Variants in TRDN observed in about 807,000 individuals in gnomAD.
TRDN encodes the protein triadin in skeletal muscle.
A neutral mutation model predicts 149.7 loss-of-function variants in TRDN; 161 were observed. The ratio of observed to expected loss-of-function variants is 1.08; its 90% CI spans 0.95 to 1.23. TRDN has a LOEUF of 1.23. Among genes scored for constraint, TRDN ranks in the 50% most tolerant of loss-of-function variants. The pLI is 0.00. For synonymous variants in TRDN, 294 were observed against 250.5 expected (o/e 1.17, Z -1.64); for missense variants, 896 against 823.5 (o/e 1.09, Z -1.08).
At chr6:123,239,785 T>C (rs7754306) in intron 38 of TRDN, among the ~76,000 whole-genome samples, 125,312 of 151,888 alleles carry the variant, frequency 0.83, 52,297 homozygotes, top group African/African-American at 0.93. Context: ...TACATACATA[T>C]GTAAAAGTAG....
At chr6:123,367,559 A>T (rs970790266) in intron 19 of TRDN, among the ~76,000 whole-genome samples, 3 of 152,198 alleles carry the variant, frequency 2.0e-5, no homozygotes, top group African/African-American at 7.2e-5. Flanking sequence ...AGTGACATAC[A>T]TAACCTCTTC....
At chr6:123,227,721 T>TTTTG (rs200078798) in intron 38 of TRDN, among the ~76,000 whole-genome samples, 45 of 135,902 alleles carry the variant, frequency 3.3e-4, no homozygotes, top group East Asian at 6.0e-4. Flanking sequence ...GCAAGGACTT[T>TTTTG]TTTGTTTGTT....
intron 8 of TRDN, among the ~76,000 whole-genome samples, chr6:123,500,769 C>T (rs149865491): frequency 0.012 from 1,821 of 152,108 alleles, 16 homozygotes; most frequent in Non-Finnish European, 0.017. Context: ...TCAAGAACAA[C>T]AAAAAATTTT....
chr6:123,318,059 G>T (rs1482070464), intron 23 of TRDN, among the ~76,000 whole-genome samples: 1 of 151,902 alleles, frequency 6.6e-6, no homozygotes, highest in African/African-American at 2.4e-5. Context: ...GTTTCCTGGT[G>T]CTATGTTTTG....
intron 4 of TRDN, among the ~76,000 whole-genome samples, chr6:123,541,468 G>A (rs1003771328): frequency 3.3e-5 from 5 of 151,988 alleles, no homozygotes; most frequent in African/African-American, 4.8e-5. Flanking sequence ...CTTTGATCTC[G>A]CCCTCCTCAG....
intron 23 of TRDN, among the ~76,000 whole-genome samples, chr6:123,325,488 G>A (rs558896413): frequency 4.6e-5 from 7 of 152,216 alleles, no homozygotes; most frequent in African/African-American, 1.4e-4. Flanking sequence ...AATGACATGA[G>A]TGAAGATGAC....
chr6:123,352,659 G>T, intron 20 of TRDN, 73 bp from the exon 21 acceptor site: 1 of 1,525,704 alleles, frequency 6.6e-7, no homozygotes, highest in South Asian at 1.3e-5. Flanking sequence ...AAAGCATTTT[G>T]GAGTTCTTTC....
intron 4 of TRDN, among the ~76,000 whole-genome samples, chr6:123,543,797 CT>C (rs1394159730): frequency 6.6e-6 from 1 of 152,050 alleles, no homozygotes; most frequent in Non-Finnish European, 1.5e-5. Context: ...TCATTATCAA[CT>C]TAAAATATTT....
intron 2 of TRDN, among the ~76,000 whole-genome samples, chr6:123,562,143 C>T (rs1262657725): frequency 4.6e-5 from 7 of 152,114 alleles, no homozygotes; most frequent in Non-Finnish European, 7.4e-5. Flanking sequence ...CTGAGCACCT[C>T]GTGACCCCTG....
intron 30 of TRDN, among the ~76,000 whole-genome samples, chr6:123,270,183 T>G (rs543183983): frequency 6.6e-6 from 1 of 152,140 alleles, no homozygotes; most frequent in South Asian, 2.1e-4. Flanking sequence ...GCCATATTAA[T>G]ACCTTAGGGT....
chr6:123,240,331 T>C (rs1033972325), intron 38 of TRDN, among the ~76,000 whole-genome samples: 1 of 151,842 alleles, frequency 6.6e-6, no homozygotes, highest in Non-Finnish European at 1.5e-5. Flanking sequence ...TGTATATAAA[T>C]GAAAGCTATG....
chr6:123,368,811 T>C (rs1781213857), intron 19 of TRDN, among the ~76,000 whole-genome samples: 2 of 152,180 alleles, frequency 1.3e-5, no homozygotes, highest in African/African-American at 2.4e-5. Context: ...TCTGATCCCA[T>C]TAATACTTCC....
intron 16 of TRDN, among the ~76,000 whole-genome samples, chr6:123,378,186 G>GA (rs1430597546): frequency 1.3e-5 from 2 of 151,944 alleles, no homozygotes; most frequent in Non-Finnish European, 2.9e-5. Context: ...CATAAAGGGT[G>GA]AAAAAAATTA....
chr6:123,479,118 T>C (rs1419546985), intron 9 of TRDN, among the ~76,000 whole-genome samples: 3 of 152,202 alleles, frequency 2.0e-5, no homozygotes, highest in African/African-American at 7.2e-5. Context: ...TGGAGTGTTT[T>C]AATGTGAACA....
chr6:123,362,882 G>T (rs779469971), intron 20 of TRDN, among the ~76,000 whole-genome samples: 192 of 151,988 alleles, frequency 1.3e-3, no homozygotes, highest in Non-Finnish European at 2.0e-3. Context: ...ACAAATATAT[G>T]GTGAGTAAAT....
intron 7 of TRDN, among the ~76,000 whole-genome samples, chr6:123,509,021 C>A (rs1779048372): frequency 6.6e-6 from 1 of 151,888 alleles, no homozygotes; most frequent in South Asian, 2.1e-4. Context: ...ATACTGTATA[C>A]AAACATGTAT....
intron 21 of TRDN, among the ~76,000 whole-genome samples, chr6:123,342,654 A>C (rs1780106956): frequency 6.6e-6 from 1 of 151,998 alleles, no homozygotes; most frequent in Non-Finnish European, 1.5e-5. Flanking sequence ...AACTTGCCCA[A>C]GGTTACAGCT....
rs1212276107 is a variant in TRDN, at chr6:123,255,115, T to C, written c.1917A>G (p.Arg639=). 3 of 1,358,768 alleles carry C rather than the reference T, an allele frequency of 2.2e-6. No individual in the cohort carries two copies. The highest frequency in any genetic ancestry group is 1.4e-5 in the African/African-American group (1 of 68,992). The allele number at this position is 1,358,768 out of a possible 1,614,324, so 84.2% of individuals were successfully genotyped here. A position where few individuals can be genotyped will look rare whatever the true frequency, so the allele number is the denominator to read the frequency against. The change falls in exon 37 of 41, where the codon AGA becomes AGG. Residue 639 remains arginine (R), a synonymous_variant. Coordinates refer to ENST00000334268, the MANE Select transcript of TRDN (RefSeq NM_006073.4). The stretch of plus-strand genomic sequence containing the variant: ...CATTGTGTAATTGAAGACTTTCTTT[T>C]CTTGTTGAGACTGTTAATAAGGAAA... ...KHLREEKVST[R]KESLQLHNVT...
chr6:123,355,200 T>C (rs1780616763), intron 20 of TRDN, among the ~76,000 whole-genome samples: 1 of 151,656 alleles, frequency 6.6e-6, no homozygotes, highest in Non-Finnish European at 1.5e-5. Context: ...CACACATATA[T>C]ACATATACTG....
Sources: allele counts gnomAD v4.1 joint callset (sites outside exome capture counted in the v4.1 genomes callset), GRCh38; gene constraint gnomAD v4.1.1; transcripts MANE v1.5; gene names NCBI Gene and HGNC (gene_info 2026-07-23, HGNC 2026-07-21).